The following OTOG variants were observed in gnomAD, a reference collection of about 807,000 sequenced individuals.
The protein encoded by OTOG is otogelin.
A neutral mutation model predicts 313.8 loss-of-function variants in OTOG; 296 were observed. The ratio of observed to expected loss-of-function variants is 0.94; its 90% CI spans 0.86 to 1.04. OTOG has a LOEUF of 1.04. Among genes scored for constraint, OTOG ranks in the 50% least tolerant of loss-of-function variants. OTOG has a pLI of 0.00. For missense variants in OTOG, 3,948 were observed against 3,840.1 expected, an observed-to-expected ratio of 1.03 and a Z score of -0.74; for synonymous variants, 1,533 against 1,554.9, an observed-to-expected ratio of 0.99 and a Z score of 0.33.
rs531541488 is a variant in OTOG, at chr11:17,573,243, G to A, written c.2246G>A (p.Arg749Gln). The change falls in exon 19 of 56, where the codon CGG becomes CAG. Residue 749 changes from arginine (R) to glutamine (Q), a missense_variant. Coordinates refer to ENST00000399397, the MANE Select transcript of OTOG (RefSeq NM_001292063.2). ...CTGGCCCACTACGCCCACCTGTGCC[G>A]GCGCCATGGGCTCCCCGTTGATTTC... ...ATLAHYAHLC[R>Q]RHGLPVDFRA... 24 of 1,532,876 alleles carry A rather than the reference G, an allele frequency of 1.6e-5. No individual in the cohort carries two copies. Among genetic ancestry groups the A allele is most frequent in the Admixed American group, 9.8e-5 (5 of 50,846 alleles). 95.0% of individuals were successfully genotyped at this position (1,532,876 alleles called of 1,614,324 possible).
rs1442535739 is a variant in OTOG at position 17,645,662 on chromosome 11, G to C, written c.8541+19G>C. ...CACCCCTGTGCGTGGTGCCCACAAG[G>C]CAGTGGGGCAGCAAAAAATGGGATG... is the stretch of plus-strand genomic sequence containing the variant. On this transcript the variant is annotated intron_variant, in intron 55 of 55. Transcript: ENST00000399397. 1 of 1,550,686 alleles carries C rather than the reference G, an allele frequency of 6.4e-7. No individual in the cohort carries two copies. Among genetic ancestry groups the C allele is most frequent in the Non-Finnish European group, 8.7e-7 (1 of 1,146,994 alleles).
At chr11:17,622,386 A>G (rs1279057759) in intron 39 of OTOG, among the ~76,000 whole-genome samples, 1 of 152,188 alleles carries the variant, frequency 6.6e-6, no homozygotes, top group African/African-American at 2.4e-5. Context: ...ATCTAATTAT[A>G]TACTCATTTA....
chr11:17,586,566 C>A lies in OTOG; in HGVS notation c.2852C>A (p.Ser951Tyr). 1 of 1,403,042 alleles carries A rather than the reference C, an allele frequency of 7.1e-7. No individual in the cohort carries two copies. The highest frequency in any genetic ancestry group is 1.7e-5 in the South Asian group (1 of 58,344). 86.9% of individuals were successfully genotyped at this position (1,403,042 alleles called of 1,614,324 possible). A position where few individuals can be genotyped will look rare whatever the true frequency, so the allele number is the denominator to read the frequency against. The change falls in exon 24 of 56, where the codon TCT becomes TAT. Residue 951 changes from serine to tyrosine, a missense_variant. Coordinates refer to ENST00000399397, the MANE Select transcript of OTOG (RefSeq NM_001292063.2). ...KEYFPGDQVM[S>Y]PCHTCVCQRG... ...TATTTCCCTGGGGACCAGGTGATGT[C>A]TCCTTGCCATACCTGGTAAGTGAGG... is the stretch of plus-strand genomic sequence containing the variant.
chr11:17,618,181 G>C (rs1489368259), intron 39 of OTOG, among the ~76,000 whole-genome samples: 1 of 152,140 alleles, frequency 6.6e-6, no homozygotes, highest in Admixed American at 6.5e-5. Flanking sequence ...GATTACAGGC[G>C]TGAGCCACCA....
At position 17,591,562 on chromosome 11, in the gene OTOG, G is replaced by A. The variant is rs1165447134; in HGVS notation, c.2980G>A (p.Gly994Arg). 2.6e-6 allele frequency: 4 copies of A among 1,550,522 alleles called. No homozygotes were observed. In the African/African-American group the frequency reaches 4.1e-5, roughly 16 times the overall value. Reference protein sequence around the residue: ...TFDGLPFDFVGACKVHLVKST... With the variant: ...TFDGLPFDFVRACKVHLVKST... ...TGATGGGCTCCCGTTTGACTTCGTG[G>A]GGGCATGCAAAGTGCACCTGGTCAA... The change falls in exon 25 of 56, where the codon GGG becomes AGG. Residue 994 changes from glycine (G) to arginine (R), a missense_variant. Physicochemically the swap from Gly to Arg is moderately radical, Grantham distance 125 (BLOSUM62 -2). Transcript: ENST00000399397.
Position 17,633,774 on chromosome 11 carries a change from C to T in OTOG, c.7167C>T (p.Asp2389=), listed in dbSNP as rs1234813223. Residue 2389 remains aspartate, a synonymous_variant, in exon 43 of 56, where the codon GAC becomes GAT. Coordinates refer to ENST00000399397, the MANE Select transcript of OTOG (RefSeq NM_001292063.2). The part of the protein sequence containing the change: ...TCQDGILGPL[D]PEHCQVLGEG... ...AGGATGGGATACTAGGGCCTCTGGA[C>T]CCAGAGCACTGCCAGGTGCTGGGCG... is the stretch of plus-strand genomic sequence containing the variant. 2 of 1,550,370 alleles carry T rather than the reference C, an allele frequency of 1.3e-6. No homozygotes were observed. Among genetic ancestry groups the T allele is most frequent in the Admixed American group, 2.0e-5 (1 of 50,968 alleles).
At chr11:17,572,285 G>C (rs537655117) in intron 18 of OTOG, 81 bp downstream of exon 18, 5 of 1,516,058 alleles carry the variant, frequency 3.3e-6, no homozygotes, top group Non-Finnish European at 4.4e-6. Context: ...AGGGAACTCC[G>C]GGCAGGAGAG....
At chr11:17,608,540 G>A in intron 34 of OTOG, 127 bp downstream of exon 34, 1 of 624,608 alleles carries the variant, frequency 1.6e-6, no homozygotes, top group Non-Finnish European at 2.6e-6. Flanking sequence ...CACGGTAACT[G>A]TGTCTTTCCG....
At chr11:17,570,475 C>G in intron 17 of OTOG, 85 bp downstream of exon 17, 1 of 1,315,140 alleles carries the variant, frequency 7.6e-7, no homozygotes, top group Middle Eastern at 2.2e-4. Context: ...CTAAATGTCT[C>G]TCCCGTGAGC....
Position 17,641,920 on chromosome 11 carries a change from C to A in OTOG, c.8264C>A (p.Thr2755Asn), listed in dbSNP as rs1847982159. 1.3e-6 allele frequency: 2 copies of A among 1,550,214 alleles called. No homozygotes were observed. The highest frequency in any genetic ancestry group is 1.4e-5 in the African/African-American group (1 of 73,014). ...TGCAGGAACGTGTCCTGTCTCTTCA[C>A]CTTCCCCAATGGCACCACCTCCCTG... is the stretch of plus-strand genomic sequence containing the variant. ...GSCRNVSCLF[T>N]FPNGTTSLFL... Residue 2755 changes from threonine (T) to asparagine (N), a missense_variant, in exon 52 of 56, where the codon ACC becomes AAC. Physicochemically the swap from Thr to Asn is moderately conservative, Grantham distance 65. Coordinates refer to ENST00000399397, the MANE Select transcript of OTOG (RefSeq NM_001292063.2).
chr11:17,560,791 T>C lies in OTOG; in HGVS notation c.1425T>C (p.Ser475=). Residue 475 remains serine (S), a synonymous_variant, in exon 13 of 56, where the codon TCT becomes TCC. Coordinates refer to ENST00000399397, the MANE Select transcript of OTOG (RefSeq NM_001292063.2). ...EFHGTLYPPG[S]VVKEDCNTCT... ...ACGGGACTCTGTACCCACCTGGCTC[T>C]GTGGTGAAGGAAGACTGCAATACTT... The C allele has an allele frequency of 1.9e-6, 3 of 1,550,760 alleles. No homozygotes were observed. The highest frequency in any genetic ancestry group is 2.4e-5 in the South Asian group (2 of 84,052).
At chr11:17,557,457 A>G (rs1261521603) in intron 8 of OTOG, 134 bp downstream of exon 8, 1 of 825,412 alleles carries the variant, frequency 1.2e-6, no homozygotes, top group Non-Finnish European at 1.9e-6. Flanking sequence ...ATGGAAGGCC[A>G]AGGACCCCTT....
chr11:17,628,511 T>C (rs79157408), intron 39 of OTOG, among the ~76,000 whole-genome samples: 6,954 of 152,276 alleles, frequency 0.046, 241 homozygotes, highest in Non-Finnish European at 0.07. Flanking sequence ...TTTAAAGTGT[T>C]TGTGAGAATT....
At chr11:17,559,411 G>T in intron 11 of OTOG, 123 bp from the exon 12 acceptor site, 1 of 1,340,610 alleles carries the variant, frequency 7.5e-7, no homozygotes. Flanking sequence ...CTCCCTCTGG[G>T]ACTAGGAAAT....
Position 17,612,729 on chromosome 11 carries a change from C to T in OTOG, c.6402C>T (p.Leu2134=), listed in dbSNP as rs1853592992. The change falls in exon 38 of 56, where the codon CTC becomes CTT. Residue 2134 remains leucine, a synonymous_variant. Coordinates refer to ENST00000399397, the MANE Select transcript of OTOG (RefSeq NM_001292063.2). ...TCAGCCAGAGCCCAGATGAAATGCT[C>T]ACCGTCCATGTACTGGACTGCAAAA... ...YILSQSPDEM[L]TVHVLDCKSA... The T allele has an allele frequency of 1.3e-6, 2 of 1,550,620 alleles. No individual in the cohort carries two copies. Among genetic ancestry groups the T allele is most frequent in the African/African-American group, 1.4e-5 (1 of 73,184 alleles).
At chr11:17,616,068 CT>C (rs1173856064) in intron 39 of OTOG, among the ~76,000 whole-genome samples, 2 of 151,714 alleles carry the variant, frequency 1.3e-5, no homozygotes, top group African/African-American at 2.4e-5. Flanking sequence ...TTTGTCTGTT[CT>C]TTTTTTTAGA....
rs1854190896 is a variant in OTOG, at chr11:17,633,792, G to A, written c.7185G>A (p.Val2395=). Residue 2395 remains valine, a synonymous_variant, in exon 43 of 56, where the codon GTG becomes GTA. Coordinates refer to ENST00000399397, the MANE Select transcript of OTOG (RefSeq NM_001292063.2). ...LGPLDPEHCQ[V]LGEGCVCSEG... is the part of the protein sequence containing the mutation. ...CTCTGGACCCAGAGCACTGCCAGGTGCTGGGCGAGGGCTGCGTCTGCTCCG... is the reference window on the plus strand; with the variant it reads ...CTCTGGACCCAGAGCACTGCCAGGTACTGGGCGAGGGCTGCGTCTGCTCCG... 6.5e-7 allele frequency: 1 copy of A among 1,550,350 alleles called. No individual in the cohort carries two copies. The highest frequency in any genetic ancestry group is 1.4e-5 in the African/African-American group (1 of 73,046).
chr11:17,557,179 G>C lies in OTOG; in HGVS notation c.721G>C (p.Val241Leu). 1 of 1,550,628 alleles carries C rather than the reference G, an allele frequency of 6.4e-7. No individual in the cohort carries two copies. Among genetic ancestry groups the C allele is most frequent in the Non-Finnish European group, 8.7e-7 (1 of 1,147,020 alleles). The change falls in exon 8 of 56, where the codon GTG becomes CTG. Residue 241 changes from valine (V) to leucine (L), a missense_variant. Transcript: ENST00000399397. ...RLQQLAGYVI[V>L]RHQSAFTLAW... ...GCAGCAGCTTGCCGGCTATGTCATC[G>C]TGCGGCATCAGTCAGCCTTCACACT...
intron 32 of OTOG, among the ~76,000 whole-genome samples, chr11:17,605,238 G>C (rs1200642801): frequency 6.6e-6 from 1 of 152,238 alleles, no homozygotes; most frequent in Non-Finnish European, 1.5e-5. Flanking sequence ...CCTAGAACTG[G>C]GCAGTTATGG....
Sources: gnomAD v4.1 joint callset for allele counts (sites outside exome capture counted in the v4.1 genomes callset) on GRCh38, gnomAD v4.1.1 for gene constraint, MANE v1.5 for transcripts, NCBI Gene and HGNC (gene_info 2026-07-23, HGNC 2026-07-21) for gene names.